Variants in ADGRL2 observed in about 807,000 individuals in gnomAD.
ADGRL2 encodes the protein calcium-independent alpha-latrotoxin receptor 2.
A neutral mutation model predicts 157.4 loss-of-function variants in ADGRL2; 44 were observed. The observed-to-expected ratio is 0.28, with a 90% CI of 0.22 to 0.36. The LOEUF is 0.36. Among genes scored for constraint, ADGRL2 ranks in the 10% least tolerant of loss-of-function variants. The pLI, the probability that ADGRL2 is intolerant of heterozygous loss-of-function variation, is 1.00. For synonymous variants in ADGRL2, 585 were observed against 624.7 expected (o/e 0.94, Z 0.95); for missense variants, 1,510 against 1,768.9 (o/e 0.85, Z 2.63).
chr1:81,787,098 C>T (rs1351423470), intron 2 of ADGRL2, among the ~76,000 whole-genome samples: 2 of 152,078 alleles, frequency 1.3e-5, no homozygotes, highest in Non-Finnish European at 1.5e-5. Context: ...CTTGCCACCA[C>T]CATGTAAGAA....
intron 3 of ADGRL2, among the ~76,000 whole-genome samples, chr1:81,628,089 A>G (rs1414863491): frequency 6.6e-6 from 1 of 152,228 alleles, no homozygotes; most frequent in Non-Finnish European, 1.5e-5. Flanking sequence ...ATATATACAT[A>G]TTAATCTTTC....
chr1:81,968,312 A>T, intron 14 of ADGRL2, 113 bp downstream of exon 14: 1 of 874,542 alleles, frequency 1.1e-6, no homozygotes, highest in Admixed American at 2.5e-5. Context: ...CAAACAAAGT[A>T]ATGTTGATTT....
intron 1 of ADGRL2, among the ~76,000 whole-genome samples, chr1:81,379,247 C>A (rs1422499057): frequency 6.6e-6 from 1 of 152,114 alleles, no homozygotes. Flanking sequence ...GCTGCTCAAA[C>A]CTCTAGGGGA....
In ADGRL2 at chr1:81,555,698, G is replaced by A. The variant is rs908305741; in HGVS notation, c.-247-25178G>A. On this transcript the variant is annotated intron_variant, in intron 2 of 24. Coordinates refer to the ADGRL2 transcript ENST00000370721. ...TCTTTGTGGAGGTTAAGTAGTCAAT[G>A]ATCACTCTGCAGCCCCTCCTCACCC... Among the ~76,000 whole-genome samples the A allele has an allele frequency of 2.0e-5, 3 of 152,256 alleles. No individual in the cohort carries two copies. The South Asian group carries it at 6.2e-4, about 32-fold the overall frequency.
At chr1:81,434,145 A>G (rs1454881390) in intron 1 of ADGRL2, among the ~76,000 whole-genome samples, 2 of 152,216 alleles carry the variant, frequency 1.3e-5, no homozygotes, top group Non-Finnish European at 2.9e-5. Flanking sequence ...AGGGAGAGGA[A>G]TTAGACTCCA....
chr1:81,831,676 C>A (rs2091954955), intron 1 of ADGRL2, among the ~76,000 whole-genome samples: 1 of 152,042 alleles, frequency 6.6e-6, no homozygotes, highest in Non-Finnish European at 1.5e-5. Flanking sequence ...CTGTTATCTA[C>A]CTAGTTTAGC....
intron 1 of ADGRL2, among the ~76,000 whole-genome samples, chr1:81,356,971 A>AAAAAAAAAAAAAGAAG (rs80327519): frequency 5.5e-4 from 55 of 99,278 alleles, no homozygotes; most frequent in East Asian, 8.6e-4. Context: ...AAAAAAAAAA[A>AAAAAAAAAAAAAGAAG]AAGAAGTTGT....
chr1:81,953,174 G>C (rs1652388953), intron 10 of ADGRL2, 149 bp downstream of exon 10: 2 of 568,218 alleles, frequency 3.5e-6, no homozygotes, highest in Admixed American at 3.0e-5. Flanking sequence ...CTTTTCACAG[G>C]TATATTACTC....
At chr1:81,673,223 A>G (rs987989202) in intron 3 of ADGRL2, among the ~76,000 whole-genome samples, 11 of 152,200 alleles carry the variant, frequency 7.2e-5, no homozygotes, top group East Asian at 1.9e-4. Flanking sequence ...TTGTTTTTCA[A>G]TGAGACAACA....
chr1:81,745,485 A>G (rs988776860), intron 1 of ADGRL2, among the ~76,000 whole-genome samples: 2 of 152,228 alleles, frequency 1.3e-5, no homozygotes, highest in Non-Finnish European at 2.9e-5. Context: ...TGGCAATTTC[A>G]TATGATTCAA....
intron 8 of ADGRL2, 62 bp downstream of exon 8, chr1:81,951,183 T>TA (rs1651682250): frequency 8.8e-7 from 1 of 1,135,520 alleles, no homozygotes; most frequent in East Asian, 2.4e-5. Flanking sequence ...CTAACATAAA[T>TA]AATTTAGCTT....
intron 2 of ADGRL2, among the ~76,000 whole-genome samples, chr1:81,787,492 C>A (rs12143051): frequency 1.3e-5 from 2 of 151,446 alleles, no homozygotes; most frequent in African/African-American, 4.9e-5. Context: ...CTATCTCTAC[C>A]GAAAATACAA....
rs148536616 is a variant in ADGRL2, at chr1:81,637,602, C to T, written c.-143+56622C>T. 3.5e-3 allele frequency among the ~76,000 whole-genome samples: 533 copies of T among 152,234 alleles called. 3 individuals carry two copies. The highest frequency in any genetic ancestry group is 0.012 in the African/African-American group (505 of 41,536). On this transcript the variant is annotated intron_variant, in intron 3 of 24. Coordinates refer to the ADGRL2 transcript ENST00000370721. ...AAATATTTAATATTTTAAATGATTG[C>T]TCATTTCAACTGATCTTTTGAACTT... is the stretch of plus-strand genomic sequence containing the variant.
chr1:81,569,120 T>G (rs1224618302), intron 2 of ADGRL2, among the ~76,000 whole-genome samples: 1 of 152,158 alleles, frequency 6.6e-6, no homozygotes, highest in East Asian at 1.9e-4. Flanking sequence ...ATTAGGTGGG[T>G]ACTGGTATTC....
At chr1:81,434,839 C>G (rs1245703075) in intron 1 of ADGRL2, among the ~76,000 whole-genome samples, 1 of 152,180 alleles carries the variant, frequency 6.6e-6, no homozygotes, top group East Asian at 1.9e-4. Context: ...GCTTAAGTCA[C>G]TGCTCCGCTG....
Position 81,580,047 on chromosome 1 carries a change from TAA to T in ADGRL2, c.-247-825_-247-824del. ...TATCCAAAAATATTTTTCAAGTAGA[TAA>T]AAAGAGTTGTCAATTCTACATAGTG... On this transcript the variant is annotated intron_variant, in intron 2 of 24. Coordinates refer to the ADGRL2 transcript ENST00000370721. Among the ~76,000 whole-genome samples, 4 of 152,268 alleles carry T rather than the reference TAA, an allele frequency of 2.6e-5. No homozygotes were observed. The Middle Eastern group carries it at 0.014, about 518-fold the overall frequency.
intron 2 of ADGRL2, among the ~76,000 whole-genome samples, chr1:81,884,293 GC>G (rs1285372203): frequency 6.6e-6 from 1 of 152,056 alleles, no homozygotes; most frequent in African/African-American, 2.4e-5. Context: ...CTTCCTTTTT[GC>G]CCAGCCCATG....
chr1:81,587,901 T>C lies in ADGRL2; in HGVS notation c.-143+6921T>C, dbSNP rs1006238893. Among the ~76,000 whole-genome samples the C allele has an allele frequency of 2.0e-5, 3 of 152,178 alleles. No homozygotes were observed. In the East Asian group the frequency reaches 5.8e-4, roughly 29 times the overall value. Reference sequence around the variant, plus strand: ...CAACCTCAATACATACAACCTTTCATGTGCATACTATCGGGTTTGGGTCAG... The same window carrying C: ...CAACCTCAATACATACAACCTTTCACGTGCATACTATCGGGTTTGGGTCAG... On this transcript the variant is annotated intron_variant, in intron 3 of 24. Transcript: ENST00000370721.
chr1:81,808,244 C>T (rs1029960897), intron 1 of ADGRL2, among the ~76,000 whole-genome samples: 2 of 151,796 alleles, frequency 1.3e-5, no homozygotes, highest in African/African-American at 4.8e-5. Context: ...TAAGTTTGTT[C>T]AATTACCAGA....
Sources: allele counts gnomAD v4.1 joint callset (sites outside exome capture counted in the v4.1 genomes callset), GRCh38; gene constraint gnomAD v4.1.1; transcripts MANE v1.5; gene names NCBI Gene and HGNC (gene_info 2026-07-23, HGNC 2026-07-21).